Variants in RBFOX1 observed in about 807,000 individuals in gnomAD.
RBFOX1 encodes RNA binding protein fox-1 homolog 1.
RBFOX1 carries 8 observed loss-of-function variants against 57.7 expected under a neutral mutation model. That is an observed-to-expected ratio of 0.14 (90% CI 0.08 to 0.25). RBFOX1 has a LOEUF of 0.25. RBFOX1 is among the 10% of genes least tolerant of loss of function. The pLI is 1.00. For missense variants in RBFOX1, 611 were observed against 548.5 expected, an observed-to-expected ratio of 1.11 and a Z score of -1.14; for synonymous variants, 326 against 222.4, an observed-to-expected ratio of 1.47 and a Z score of -4.15.
intron 4 of RBFOX1, among the ~76,000 whole-genome samples, chr16:7,517,486 C>A (rs555882124): frequency 1.3e-5 from 2 of 151,690 alleles, no homozygotes; most frequent in Non-Finnish European, 2.9e-5. Flanking sequence ...CCAAATTAGG[C>A]CCTGAATTTG....
intron 2 of RBFOX1, among the ~76,000 whole-genome samples, chr16:5,553,340 G>T (rs1358076544): frequency 1.3e-5 from 2 of 150,346 alleles, no homozygotes; most frequent in South Asian, 4.2e-4. Context: ...TTTTGAGATG[G>T]AGTCTCACTC....
chr16:5,920,293 T>C (rs758068821), intron 4 of RBFOX1, among the ~76,000 whole-genome samples: 1 of 152,176 alleles, frequency 6.6e-6, no homozygotes, highest in Non-Finnish European at 1.5e-5. Context: ...TTATTCCTTT[T>C]TATTGTACAT....
intron 4 of RBFOX1, among the ~76,000 whole-genome samples, chr16:5,971,553 C>T (rs539295869): frequency 6.6e-6 from 1 of 152,284 alleles, no homozygotes; most frequent in East Asian, 1.9e-4. Flanking sequence ...GGGGCAGCAT[C>T]ATAAGTTAAA....
At chr16:6,895,521 C>T (rs975532752) in intron 3 of RBFOX1, among the ~76,000 whole-genome samples, 6 of 143,594 alleles carry the variant, frequency 4.2e-5, no homozygotes, top group Middle Eastern at 3.6e-3. Flanking sequence ...CTGTCGATTC[C>T]TCTCATGACC....
intron 2 of RBFOX1, among the ~76,000 whole-genome samples, chr16:6,574,424 ATTTTT>A (rs34505014): frequency 0.019 from 1,682 of 89,920 alleles, 30 homozygotes; most frequent in African/African-American, 0.067. Flanking sequence ...CGTATCTTCT[ATTTTT>A]TTTTTTTTTT....
At chr16:6,444,609 T>A (rs28710207) in intron 2 of RBFOX1, among the ~76,000 whole-genome samples, 34,631 of 152,108 alleles carry the variant, frequency 0.23, 4,176 homozygotes, top group East Asian at 0.32. Context: ...TCCCCAGCCA[T>A]GTGGAACTGT....
chr16:7,454,406 C>T (rs893381555), intron 4 of RBFOX1, among the ~76,000 whole-genome samples: 1 of 152,216 alleles, frequency 6.6e-6, no homozygotes. Context: ...GGCAGATTGT[C>T]TCCCAAGTTA....
At chr16:6,481,010 C>G (rs990506134) in intron 2 of RBFOX1, among the ~76,000 whole-genome samples, 7 of 152,210 alleles carry the variant, frequency 4.6e-5, no homozygotes, top group Non-Finnish European at 8.8e-5. Context: ...AACATATCCA[C>G]AAATGTATCT....
intron 4 of RBFOX1, among the ~76,000 whole-genome samples, chr16:5,878,757 C>A (rs1183026955): frequency 1.3e-5 from 2 of 152,034 alleles, no homozygotes; most frequent in Non-Finnish European, 2.9e-5. Flanking sequence ...ATGATGATAG[C>A]TGTGAAATGG....
At chr16:6,566,824 G>A (rs938897045) in intron 2 of RBFOX1, among the ~76,000 whole-genome samples, 2 of 152,130 alleles carry the variant, frequency 1.3e-5, no homozygotes, top group South Asian at 2.1e-4. Context: ...TTTATCTGCA[G>A]TAGCAGTCGA....
At chr16:7,342,303 A>G (rs1160032533) in intron 4 of RBFOX1, among the ~76,000 whole-genome samples, 2 of 152,138 alleles carry the variant, frequency 1.3e-5, no homozygotes, top group Non-Finnish European at 2.9e-5. Flanking sequence ...CAGGATGCCT[A>G]GGGCTGGGCT....
chr16:6,296,442 G>A (rs7194117), intron 1 of RBFOX1, among the ~76,000 whole-genome samples: 147,434 of 148,150 alleles, frequency 1, 73,371 homozygotes, highest in Middle Eastern at 1. Flanking sequence ...TTTTTTCGAG[G>A]TGGAGTCTCG....
intron 3 of RBFOX1, among the ~76,000 whole-genome samples, chr16:6,769,602 G>C (rs1485875862): frequency 5.3e-5 from 8 of 152,190 alleles, no homozygotes; most frequent in Admixed American, 5.2e-4. Context: ...GCATAAGCAA[G>C]ACTTCTCTAT....
chr16:7,496,779 G>T (rs1600008404), intron 4 of RBFOX1, among the ~76,000 whole-genome samples: 1 of 143,066 alleles, frequency 7.0e-6, no homozygotes, highest in Non-Finnish European at 1.5e-5. Context: ...TTGTGTAATT[G>T]CTCCAAATTG....
At chr16:5,497,710 C>G (rs575344851) in intron 2 of RBFOX1, among the ~76,000 whole-genome samples, 7 of 151,878 alleles carry the variant, frequency 4.6e-5, no homozygotes, top group African/African-American at 1.7e-4. Context: ...ACCCAAGAGG[C>G]AGAGGTCGCA....
intron 4 of RBFOX1, among the ~76,000 whole-genome samples, chr16:7,200,091 G>C (rs1410903070): frequency 6.6e-6 from 1 of 152,194 alleles, no homozygotes; most frequent in Non-Finnish European, 1.5e-5. Flanking sequence ...ATACATAATA[G>C]TGTCAGGGAC....
chr16:6,501,659 C>A (rs1424912675), intron 2 of RBFOX1, among the ~76,000 whole-genome samples: 1 of 152,128 alleles, frequency 6.6e-6, no homozygotes, highest in Non-Finnish European at 1.5e-5. Context: ...TTCTTATAGA[C>A]AAGGGCTCCT....
intron 14 of RBFOX1, chr16:7,693,433 T>C: frequency 1.6e-6 from 2 of 1,278,600 alleles, no homozygotes; most frequent in Non-Finnish European, 2.2e-6. Flanking sequence ...TTTTTTTTTT[T>C]TCTTCTTCAC....
chr16:7,145,079 C>G (rs925158433), intron 4 of RBFOX1, among the ~76,000 whole-genome samples: 2 of 152,318 alleles, frequency 1.3e-5, no homozygotes, highest in South Asian at 2.1e-4. Flanking sequence ...GGTACCAATC[C>G]TAGCTTGACA....
Sources: allele counts gnomAD v4.1 joint callset (sites outside exome capture counted in the v4.1 genomes callset), GRCh38; gene constraint gnomAD v4.1.1; transcripts MANE v1.5; gene names NCBI Gene and HGNC (gene_info 2026-07-23, HGNC 2026-07-21).